KLC4: variants seen among roughly 807,000 people sequenced by gnomAD.
The protein encoded by KLC4 is kinesin-like protein 8.
Under a neutral mutation model 77.2 loss-of-function variants are expected in KLC4, and 49 were observed. That is an observed-to-expected ratio of 0.63 (90% CI 0.50 to 0.80). The LOEUF is 0.80. Ranked by LOEUF, KLC4 falls within the 30% of genes least tolerant of loss-of-function variation. The probability of loss-of-function intolerance (pLI) is 0.00; values close to 1 mark genes in which losing one functional copy is unlikely to be tolerated. For synonymous variants in KLC4, 274 were observed against 314.5 expected, an observed-to-expected ratio of 0.87 and a Z score of 1.36; for missense variants, 669 against 793.5, an observed-to-expected ratio of 0.84 and a Z score of 1.89.
rs1481828935 is a variant in KLC4, at chr6:43,061,478, C to G, written c.143C>G (p.Ser48Cys). The change falls in exon 2 of 16, where the codon TCC becomes TGC. Residue 48 changes from serine to cysteine, a missense_variant. Ser to Cys is a moderately radical substitution (Grantham distance 112, BLOSUM62 -1). Coordinates refer to ENST00000347162, the MANE Select transcript of KLC4 (RefSeq NM_201521.3). ...SEHQAVLQSLSQTIECLQQGG... is the reference protein window; with the variant it reads ...SEHQAVLQSLCQTIECLQQGG... ...CACCAGGCCGTGCTGCAAAGCCTGTCCCAGACCATTGAGTGTCTGCAGCAG... is the reference window on the plus strand; with the variant it reads ...CACCAGGCCGTGCTGCAAAGCCTGTGCCAGACCATTGAGTGTCTGCAGCAG... 2 of 1,614,058 alleles carry G rather than the reference C, an allele frequency of 1.2e-6. No homozygotes were observed. The highest frequency in any genetic ancestry group is 3.3e-5 in the Admixed American group (2 of 59,996).
intron 15 of KLC4, 40 bp from the exon 16 acceptor site, chr6:43,074,582 C>T (rs371328539): frequency 1.8e-5 from 29 of 1,596,320 alleles, no homozygotes; most frequent in Non-Finnish European, 2.3e-5. Context: ...TTTGGGAGGC[C>T]GAGGTCCCTG....
At chr6:43,060,016 A>C in intron 1 of KLC4, 56 of 1,364,024 alleles carry the variant, frequency 4.1e-5, no homozygotes, top group East Asian at 2.2e-4. Context: ...GCACCAGGGC[A>C]GGTCGACAGC....
At chr6:43,073,874 G>T in intron 14 of KLC4, 28 bp from the exon 15 acceptor site, 1 of 1,611,048 alleles carries the variant, frequency 6.2e-7, no homozygotes, top group South Asian at 1.1e-5. Flanking sequence ...AAGAGAGGAG[G>T]CCTCAATTCT....
rs768950138 is a variant in KLC4, at chr6:43,070,828, C to T, written c.1118C>T (p.Pro373Leu). The T allele has an allele frequency of 2.9e-5, 46 of 1,610,306 alleles. 1 individual carries two copies. In the East Asian group the frequency reaches 2.9e-4, roughly 10 times the overall value. The change falls in exon 8 of 16, where the codon CCG (proline) becomes CTG (leucine). Residue 373 changes from proline to leucine, a missense_variant. By Grantham distance (98) the Pro-to-Leu change is moderately conservative. Transcript: ENST00000347162. ...GCCATCTACGAGGGGCAGCTGGGGC[C>T]GGACAACCCTAATGTAGCCCGGACC... ...ALAIYEGQLG[P>L]DNPNVARTKN...
In KLC4 at chr6:43,072,109, C is replaced by G. The variant is rs1199323833; in HGVS notation, c.1380-38C>G. 5 of 1,545,042 alleles carry G rather than the reference C, an allele frequency of 3.2e-6. No individual in the cohort carries two copies. In the Admixed American group the frequency reaches 6.7e-5, roughly 21 times the overall value. On this transcript the variant is annotated intron_variant, in intron 11 of 15. Coordinates refer to ENST00000347162, the MANE Select transcript of KLC4 (RefSeq NM_201521.3). ...AGACAAATGTTTTGTTTTCTGAACT[C>G]ATTCTCTCTTCCTTCTCTGGTCTCT...
Position 43,072,910 on chromosome 6 carries a change from CAG to C in KLC4, c.1576_1577del (p.Ser526CysfsTer7). 6.2e-7 allele frequency: 1 copy of C among 1,610,716 alleles called. No individual in the cohort carries two copies. The highest frequency in any genetic ancestry group is 8.5e-7 in the Non-Finnish European group (1 of 1,178,932). On this transcript the variant is annotated frameshift_variant, in exon 13 of 16. Transcript: ENST00000347162. LOFTEE classifies it high-confidence loss of function. The part of the protein sequence containing the change: ...RRTSQEGPGD[S>X]VKFEGGEDAS... ...GGACCTCCCAGGAGGGCCCTGGAGA[CAG>C]TGTGAAATTCGAGGGAGGTGAAGAT...
intron 2 of KLC4, among the ~76,000 whole-genome samples, chr6:43,062,277 G>A (rs1055425208): frequency 2.6e-5 from 4 of 152,246 alleles, no homozygotes; most frequent in African/African-American, 4.8e-5. Flanking sequence ...ACGGAGTCTC[G>A]CAGTGTTGCC....
At position 43,061,527 on chromosome 6, in the gene KLC4, G is replaced by A; in HGVS notation, c.192G>A (p.Val64=). 1 of 1,614,088 alleles carries A rather than the reference G, an allele frequency of 6.2e-7. No homozygotes were observed. Among genetic ancestry groups the A allele is most frequent in the Non-Finnish European group, 8.5e-7 (1 of 1,179,932 alleles). ...LQQGGHEEGL[V]HEKARQLRRS... is the part of the protein sequence containing the mutation. The stretch of plus-strand genomic sequence containing the variant: ...AGGGAGGCCATGAGGAAGGGCTGGT[G>A]CATGAGAAGGCCCGGCAGCTTCGCC... Residue 64 remains valine, a synonymous_variant, in exon 2 of 16, where the codon GTG becomes GTA. Coordinates refer to ENST00000347162, the MANE Select transcript of KLC4 (RefSeq NM_201521.3).
chr6:43,066,149 G>A (rs1219377900), intron 4 of KLC4, among the ~76,000 whole-genome samples, 157 bp from the exon 5 acceptor site: 2 of 152,228 alleles, frequency 1.3e-5, no homozygotes, highest in Non-Finnish European at 2.9e-5. Flanking sequence ...CATAGGTCAA[G>A]GGAGTGGATA....
intron 3 of KLC4, among the ~76,000 whole-genome samples, chr6:43,065,167 C>T (rs1765351094): frequency 1.3e-5 from 2 of 152,082 alleles, no homozygotes; most frequent in Non-Finnish European, 2.9e-5. Context: ...CTCTGCCTCC[C>T]AGGTTCAAGC....
In KLC4 at chr6:43,061,424, G is replaced by A; in HGVS notation, c.89G>A (p.Ser30Asn). Residue 30 changes from serine to asparagine, a missense_variant, in exon 2 of 16, where the codon AGC becomes AAC. Ser to Asn is a conservative substitution (Grantham distance 46). Coordinates refer to ENST00000347162, the MANE Select transcript of KLC4 (RefSeq NM_201521.3). ...ATCCTGGGGAGCACACGGCTGGTCA[G>A]CCAAGGGCTAGAGGCCCTACGCAGT... ...EEILGSTRLV[S>N]QGLEALRSEH... The A allele has an allele frequency of 1.1e-5, 17 of 1,614,140 alleles. No individual in the cohort carries two copies. The highest frequency in any genetic ancestry group is 1.4e-5 in the Non-Finnish European group (16 of 1,180,046).
intron 6 of KLC4, 51 bp from the exon 7 acceptor site, chr6:43,070,303 A>G: frequency 7.6e-7 from 1 of 1,309,758 alleles, no homozygotes; most frequent in Non-Finnish European, 1.1e-6. Flanking sequence ...TCAGATTCCC[A>G]TAGGTCTTTT....
Position 43,066,490 on chromosome 6 carries a change from C to A in KLC4, c.756C>A (p.Val252=). Residue 252 remains valine (V), a synonymous_variant, in exon 5 of 16, where the codon GTC becomes GTA. Transcript: ENST00000347162. ...CATCAGGCCGTGGCCACCCTGATGT[C>A]GCCACCATGCTCAACATCCTTGCTT... ...ERTSGRGHPD[V]ATMLNILALV... 6.2e-7 allele frequency: 1 copy of A among 1,613,702 alleles called. No individual in the cohort carries two copies. The highest frequency in any genetic ancestry group is 8.5e-7 in the Non-Finnish European group (1 of 1,179,776).
At position 43,061,390 on chromosome 6, in the gene KLC4, C is replaced by G. The variant is rs1376535917; in HGVS notation, c.55C>G (p.Gln19Glu). 5 of 1,613,848 alleles carry G rather than the reference C, an allele frequency of 3.1e-6. No individual in the cohort carries two copies. The highest frequency in any genetic ancestry group is 4.2e-6 in the Non-Finnish European group (5 of 1,180,044). Residue 19 changes from glutamine to glutamate, a missense_variant, in exon 2 of 16, where the codon CAA (glutamine) becomes GAA (glutamate). Coordinates refer to ENST00000347162, the MANE Select transcript of KLC4 (RefSeq NM_201521.3). ...RDEPAGHRLS[Q>E]EEILGSTRLV... ...TGAGCCTGCAGGCCACCGGCTCAGC[C>G]AAGAGGAGATCCTGGGGAGCACACG... is the stretch of plus-strand genomic sequence containing the variant.
chr6:43,066,168 G>C, intron 4 of KLC4, 138 bp from the exon 5 acceptor site: 1 of 715,180 alleles, frequency 1.4e-6, no homozygotes, highest in Non-Finnish European at 2.5e-6. Flanking sequence ...TAAAAGAATA[G>C]CACTTGAGGC....
chr6:43,065,768 C>T, intron 4 of KLC4, 67 bp downstream of exon 4: 1 of 1,061,124 alleles, frequency 9.4e-7, no homozygotes, highest in East Asian at 2.4e-5. Context: ...CTGTGGCCCA[C>T]CCTGTACACA....
intron 3 of KLC4, chr6:43,065,416 A>G (rs1765369278): frequency 5.8e-6 from 3 of 517,682 alleles, no homozygotes; most frequent in South Asian, 2.7e-5. Flanking sequence ...AAGTCTTGAG[A>G]TTTTGTCCAA....
intron 8 of KLC4, 48 bp downstream of exon 8, chr6:43,070,913 C>CGG: frequency 1.1e-6 from 1 of 939,216 alleles, no homozygotes; most frequent in South Asian, 4.4e-5. Flanking sequence ...GAGGGGGGCA[C>CGG]AGAGGTGGGG....
rs1278229696 is a variant in KLC4 at position 43,070,709 on chromosome 6, T to C, written c.999T>C (p.His333=). Residue 333 remains histidine, a synonymous_variant, in exon 8 of 16, where the codon CAT becomes CAC. Coordinates refer to ENST00000347162, the MANE Select transcript of KLC4 (RefSeq NM_201521.3). Reference sequence around the variant, plus strand: ...CCTTTCAGGTCCTGGGCACGAATCATCCAGATGTGGCAAAACAGCTGAACA... The same window carrying C: ...CCTTTCAGGTCCTGGGCACGAATCACCCAGATGTGGCAAAACAGCTGAACA... ...EIREKVLGTN[H]PDVAKQLNNL... 1.2e-6 allele frequency: 2 copies of C among 1,613,540 alleles called. No individual in the cohort carries two copies. The highest frequency in any genetic ancestry group is 1.1e-5 in the South Asian group (1 of 91,072).
Sources: allele counts gnomAD v4.1 joint callset (sites outside exome capture counted in the v4.1 genomes callset), GRCh38; gene constraint gnomAD v4.1.1; transcripts MANE v1.5; gene names NCBI Gene and HGNC (gene_info 2026-07-23, HGNC 2026-07-21).